The following AGBL4 variants were observed in gnomAD, a reference collection of about 807,000 sequenced individuals.
AGBL4 encodes cytosolic carboxypeptidase 6.
AGBL4 carries 58 observed loss-of-function variants against 66.4 expected under a neutral mutation model. The observed-to-expected ratio is 0.87, with a 90% CI of 0.71 to 1.09. The LOEUF (loss-of-function observed/expected upper bound fraction) is 1.09, where lower values mean the gene tolerates loss of function less well. Ranked by LOEUF, AGBL4 falls within the 50% of genes least tolerant of loss-of-function variation. The probability of loss-of-function intolerance (pLI) is 0.00; values close to 1 mark genes in which losing one functional copy is unlikely to be tolerated. For missense variants in AGBL4, 579 were observed against 631.0 expected (o/e 0.92, Z 0.88); for synonymous variants, 234 against 222.9 (o/e 1.05, Z -0.44).
chr1:49,689,205 G>A (rs1218563249), intron 3 of AGBL4, among the ~76,000 whole-genome samples: 1 of 152,060 alleles, frequency 6.6e-6, no homozygotes, highest in Non-Finnish European at 1.5e-5. Context: ...CATAGTTTGA[G>A]GTCTCAGATT....
chr1:48,539,790 G>T, intron 11 of AGBL4, 52 bp from the exon 12 acceptor site: 1 of 1,236,750 alleles, frequency 8.1e-7, no homozygotes, highest in African/African-American at 1.6e-5. Context: ...GAGACAGAGT[G>T]AAAAGAGAAC....
intron 2 of AGBL4, among the ~76,000 whole-genome samples, chr1:49,788,292 G>A (rs899013840): frequency 1.3e-5 from 2 of 151,870 alleles, no homozygotes; most frequent in Non-Finnish European, 2.9e-5. Flanking sequence ...ATGTCAAGGT[G>A]ATCAGCCAAA....
At chr1:49,138,194 T>A (rs916700791) in intron 4 of AGBL4, among the ~76,000 whole-genome samples, 3 of 152,062 alleles carry the variant, frequency 2.0e-5, no homozygotes, top group African/African-American at 7.2e-5. Context: ...CTTTTATAAG[T>A]TGTCCCTGCC....
the AGBL4 span, among the ~76,000 whole-genome samples, chr1:48,525,084 C>G: frequency 6.6e-6 from 1 of 152,138 alleles, no homozygotes; most frequent in Non-Finnish European, 1.5e-5. Flanking sequence ...CAGCAACAGC[C>G]ACAAATTCTC....
At chr1:48,839,967 T>C (rs570068255) in intron 6 of AGBL4, among the ~76,000 whole-genome samples, 2 of 152,292 alleles carry the variant, frequency 1.3e-5, no homozygotes, top group African/African-American at 2.4e-5. Context: ...AATTGCTCTC[T>C]GGTCCCAGCC....
intron 3 of AGBL4, among the ~76,000 whole-genome samples, chr1:49,676,539 C>T (rs1646582175): frequency 6.6e-6 from 1 of 152,060 alleles, no homozygotes; most frequent in Non-Finnish European, 1.5e-5. Flanking sequence ...CATATTCCTT[C>T]TAAAAATGAA....
At chr1:48,968,831 G>A (rs533680166) in intron 5 of AGBL4, among the ~76,000 whole-genome samples, 2 of 152,168 alleles carry the variant, frequency 1.3e-5, no homozygotes, top group South Asian at 2.1e-4. Context: ...AAAACCAGAC[G>A]GCATTCAGCA....
intron 1 of AGBL4, among the ~76,000 whole-genome samples, chr1:49,875,641 G>A (rs1646979223): frequency 6.7e-6 from 1 of 148,812 alleles, no homozygotes; most frequent in East Asian, 2.0e-4. Flanking sequence ...CTTTATAGCA[G>A]CATGATTTAT....
chr1:49,479,809 C>T (rs1646919003), intron 3 of AGBL4, among the ~76,000 whole-genome samples: 1 of 151,048 alleles, frequency 6.6e-6, no homozygotes, highest in Non-Finnish European at 1.5e-5. Context: ...TCACACCATT[C>T]TCCTGCCTCA....
intron 3 of AGBL4, among the ~76,000 whole-genome samples, chr1:49,480,551 T>A (rs1646936033): frequency 6.6e-6 from 1 of 150,846 alleles, no homozygotes; most frequent in African/African-American, 2.4e-5. Context: ...CTCTGTCAAA[T>A]GCATAGTTTG....
chr1:48,590,736 C>T (rs1644902110), intron 10 of AGBL4, 97 bp downstream of exon 10: 6 of 1,344,688 alleles, frequency 4.5e-6, no homozygotes, highest in Non-Finnish European at 6.0e-6. Context: ...AGTTAGGTGT[C>T]CCGTGGAGCT....
At chr1:49,382,097 T>C (rs34447538) in intron 3 of AGBL4, among the ~76,000 whole-genome samples, 1 of 152,080 alleles carries the variant, frequency 6.6e-6, no homozygotes, top group African/African-American at 2.4e-5. Flanking sequence ...TGAACATTTC[T>C]AGTATGGATA....
intron 3 of AGBL4, among the ~76,000 whole-genome samples, chr1:49,380,274 C>A (rs1570572341): frequency 6.6e-6 from 1 of 152,140 alleles, no homozygotes; most frequent in Non-Finnish European, 1.5e-5. Flanking sequence ...GAATAAAATA[C>A]CTAGGAATCC....
intron 3 of AGBL4, among the ~76,000 whole-genome samples, chr1:49,681,508 C>CCA (rs1558158411): frequency 6.6e-6 from 1 of 152,114 alleles, no homozygotes; most frequent in Admixed American, 6.6e-5. Context: ...CACTATGCTT[C>CCA]CAGTGTTAGC....
At chr1:49,952,329 A>G (rs1656232080) in intron 1 of AGBL4, among the ~76,000 whole-genome samples, 1 of 151,916 alleles carries the variant, frequency 6.6e-6, no homozygotes. Context: ...CAGTAAACAA[A>G]GTATATGATA....
chr1:49,753,455 T>C (rs936477197), intron 2 of AGBL4, among the ~76,000 whole-genome samples: 6 of 152,222 alleles, frequency 3.9e-5, no homozygotes, highest in Non-Finnish European at 8.8e-5. Context: ...TCTGATGGGC[T>C]TCCCTTTGCG....
intron 3 of AGBL4, among the ~76,000 whole-genome samples, chr1:49,263,716 G>T (rs923856913): frequency 2.0e-5 from 3 of 152,098 alleles, no homozygotes; most frequent in Non-Finnish European, 4.4e-5. Context: ...AAATAGAAGA[G>T]CCTCTTTAGA....
chr1:48,916,245 A>G (rs1208567938), intron 5 of AGBL4, among the ~76,000 whole-genome samples: 1 of 152,204 alleles, frequency 6.6e-6, no homozygotes, highest in African/African-American at 2.4e-5. Context: ...CTGAAAAGGA[A>G]AGTACAGGGA....
At chr1:48,706,569 A>G (rs753272307) in intron 6 of AGBL4, among the ~76,000 whole-genome samples, 2 of 152,192 alleles carry the variant, frequency 1.3e-5, no homozygotes, top group Non-Finnish European at 2.9e-5. Context: ...TTATCAAACT[A>G]ATGGAAAGCT....
Sources: allele counts gnomAD v4.1 joint callset (sites outside exome capture counted in the v4.1 genomes callset), GRCh38; gene constraint gnomAD v4.1.1; transcripts MANE v1.5; gene names NCBI Gene and HGNC (gene_info 2026-07-23, HGNC 2026-07-21).